Variants in E2F6 observed in about 807,000 individuals in gnomAD.
E2F6 encodes transcription factor E2F6.
In E2F6, 19 loss-of-function variants were observed where a neutral mutation model predicts 31.5. The ratio of observed to expected loss-of-function variants is 0.60; its 90% confidence interval spans 0.42 to 0.89. The LOEUF is 0.89. Ranked by LOEUF, E2F6 falls within the 40% of genes least tolerant of loss-of-function variation. The pLI is 0.00. For synonymous variants in E2F6, 121 were observed against 127.7 expected (o/e 0.95, Z 0.36); for missense variants, 269 against 341.6 (o/e 0.79, Z 1.67).
At chr2:11,456,713 G>A (rs1451364005) in intron 2 of E2F6, among the ~76,000 whole-genome samples, 1 of 152,166 alleles carries the variant, frequency 6.6e-6, no homozygotes, top group African/African-American at 2.4e-5. Flanking sequence ...GGTGAGACTG[G>A]GGCAGGCACT....
intron 1 of E2F6, among the ~76,000 whole-genome samples, 198 bp downstream of exon 1, chr2:11,465,574 G>T (rs1469315518): frequency 6.6e-6 from 1 of 152,220 alleles, no homozygotes; most frequent in African/African-American, 2.4e-5. Context: ...TAAAAGCCTA[G>T]AAGACTGATA....
chr2:11,458,307 T>G, intron 1 of E2F6: 2 of 1,551,760 alleles, frequency 1.3e-6, no homozygotes, highest in Non-Finnish European at 1.7e-6. Flanking sequence ...AAGGCAGCCC[T>G]CAGCTGAGCC....
chr2:11,465,023 A>C (rs1255966741), intron 1 of E2F6, among the ~76,000 whole-genome samples: 1 of 152,064 alleles, frequency 6.6e-6, no homozygotes, highest in African/African-American at 2.4e-5. Flanking sequence ...TACTAAAAAT[A>C]CAAAATTAGC....
intron 5 of E2F6, among the ~76,000 whole-genome samples, chr2:11,448,404 G>C (rs1176839151): frequency 6.6e-6 from 1 of 152,120 alleles, no homozygotes; most frequent in African/African-American, 2.4e-5. Context: ...CTTTAATTGG[G>C]AGCTGCTTCA....
intron 1 of E2F6, among the ~76,000 whole-genome samples, chr2:11,461,599 C>T (rs1380289212): frequency 6.6e-6 from 1 of 152,030 alleles, no homozygotes; most frequent in Non-Finnish European, 1.5e-5. Context: ...GTGATCCACC[C>T]GCCTCAGCCT....
chr2:11,456,678 T>C (rs187352906), intron 2 of E2F6, among the ~76,000 whole-genome samples: 3 of 152,182 alleles, frequency 2.0e-5, no homozygotes, highest in African/African-American at 7.2e-5. Flanking sequence ...AAGGTGAAGC[T>C]GACCAAACTC....
At chr2:11,457,030 TTG>T (rs1671449460) in intron 2 of E2F6, 147 bp downstream of exon 2, 3 of 632,762 alleles carry the variant, frequency 4.7e-6, no homozygotes, top group Non-Finnish European at 2.9e-6. Context: ...ACCTCAGGAG[TTG>T]TTACTAAAAC....
intron 1 of E2F6, among the ~76,000 whole-genome samples, chr2:11,460,158 G>C: frequency 6.6e-6 from 1 of 152,124 alleles, no homozygotes. Flanking sequence ...AAAAATAAAA[G>C]ATGAAGTTTA....
At chr2:11,461,188 C>G (rs1671757812) in intron 1 of E2F6, among the ~76,000 whole-genome samples, 3 of 152,154 alleles carry the variant, frequency 2.0e-5, no homozygotes, top group Admixed American at 6.5e-5. Context: ...GCTACTGCCC[C>G]TCTGGCAAAC....
At chr2:11,453,171 ATTT>A (rs531752435) in intron 3 of E2F6, among the ~76,000 whole-genome samples, 4 of 144,266 alleles carry the variant, frequency 2.8e-5, no homozygotes, top group South Asian at 4.4e-4. Flanking sequence ...ACACTGTCTG[ATTT>A]TTTTTTTTTT....
intron 5 of E2F6, 65 bp from the exon 6 acceptor site, chr2:11,447,839 G>A: frequency 6.5e-7 from 1 of 1,544,256 alleles, no homozygotes. Flanking sequence ...TCACTCACTA[G>A]AACTGCAAAA....
intron 1 of E2F6, among the ~76,000 whole-genome samples, chr2:11,459,070 C>G (rs1224745676): frequency 6.6e-6 from 1 of 152,038 alleles, no homozygotes; most frequent in African/African-American, 2.4e-5. Flanking sequence ...TGAGACGGGC[C>G]AGCTACGGTA....
chr2:11,459,462 A>T (rs1014085683), intron 1 of E2F6, among the ~76,000 whole-genome samples: 20 of 152,226 alleles, frequency 1.3e-4, no homozygotes, highest in African/African-American at 4.8e-4. Context: ...TGTATGTGGG[A>T]AAACAGTCTC....
rs1274918403 is a variant in E2F6, at chr2:11,445,713, G to T, written c.*764C>A. The T allele has an allele frequency of 6.6e-6, 1 of 152,214 alleles. No homozygotes were observed. Among genetic ancestry groups the T allele is most frequent in the African/African-American group, 2.4e-5 (1 of 41,450 alleles). The allele number at this position is 152,214 out of a possible 1,614,324, so 9.4% of individuals were successfully genotyped here. On this transcript the variant is annotated 3_prime_UTR_variant, in exon 7 of 7. Coordinates refer to ENST00000381525, the MANE Select transcript of E2F6 (RefSeq NM_198256.4). ...AAGCCACTGGGCATGCCACCAGTCT[G>T]CTGGGAGACAGCAATTAGGTAGACA...
intron 4 of E2F6, chr2:11,451,054 T>C (rs1053537186): frequency 1.3e-5 from 2 of 151,928 alleles, no homozygotes; most frequent in Non-Finnish European, 2.9e-5. Flanking sequence ...TGGACACAAA[T>C]GGCAGTTTAA....
In E2F6 at chr2:11,447,652, G is replaced by C. The variant is rs960116334; in HGVS notation, c.774C>G (p.Ser258Arg). The stretch of plus-strand genomic sequence containing the variant: ...CTTCCTCAGGGCCTTCTGGATGAGT[G>C]CTCTCAGATGAAGAGGTCCCGACAC... ...SEGVGTSSSE[S>R]THPEGPEEEE... The change falls in exon 6 of 7, where the codon AGC becomes AGG. Residue 258 changes from serine to arginine, a missense_variant. Transcript: ENST00000381525. The C allele has an allele frequency of 3.1e-6, 5 of 1,611,854 alleles. No homozygotes were observed. Among genetic ancestry groups the C allele is most frequent in the Non-Finnish European group, 4.2e-6 (5 of 1,179,864 alleles).
rs149388724 is a variant in E2F6, at chr2:11,457,340, T to C, written c.109-107A>G. 1.1e-3 allele frequency: 843 copies of C among 736,146 alleles called. 8 individuals are homozygous for C. The African/African-American group carries it at 0.014, about 12-fold the overall frequency. 45.6% of individuals were successfully genotyped at this position (736,146 alleles called of 1,614,324 possible). Reference sequence around the variant, plus strand: ...GGTCTGGGAATATGAATATGATAATTACTGGCTGGGCAGAGGCTCACGCCT... The same window carrying C: ...GGTCTGGGAATATGAATATGATAATCACTGGCTGGGCAGAGGCTCACGCCT... On this transcript the variant is annotated intron_variant, in intron 1 of 6. Transcript: ENST00000381525.
At chr2:11,458,961 A>G (rs1671589936) in intron 1 of E2F6, among the ~76,000 whole-genome samples, 2 of 152,210 alleles carry the variant, frequency 1.3e-5, no homozygotes, top group Admixed American at 6.5e-5. Context: ...CATGGTATCC[A>G]ACAGTGAAAC....
intron 3 of E2F6, among the ~76,000 whole-genome samples, chr2:11,452,251 T>C (rs1398926614): frequency 6.6e-6 from 1 of 152,220 alleles, no homozygotes; most frequent in Admixed American, 6.5e-5. Context: ...AGTCTGTATC[T>C]TTCCCTAGTG....
Sources: gnomAD v4.1 joint callset for allele counts (sites outside exome capture counted in the v4.1 genomes callset) on GRCh38, gnomAD v4.1.1 for gene constraint, MANE v1.5 for transcripts, NCBI Gene and HGNC (gene_info 2026-07-23, HGNC 2026-07-21) for gene names.